ZBED6: variants seen among roughly 807,000 people sequenced by gnomAD.
ZBED6 encodes zinc finger BED-type containing 6.
Under a neutral mutation model 58.4 loss-of-function variants are expected in ZBED6, and 40 were observed. That is an observed-to-expected ratio of 0.68 (90% confidence interval 0.53 to 0.89). ZBED6 has a LOEUF of 0.89. Among genes scored for constraint, ZBED6 ranks in the 40% least tolerant of loss-of-function variants. The probability of loss-of-function intolerance (pLI) is 0.00; values close to 1 mark genes in which losing one functional copy is unlikely to be tolerated. For missense variants in ZBED6, 1,057 were observed against 1,003.9 expected (o/e 1.05, Z -0.71); for synonymous variants, 439 against 350.6 (o/e 1.25, Z -2.82).
At chr1:203,827,680 T>TC (rs1469703059) in intron 3 of ZBED6, among the ~76,000 whole-genome samples, 1 of 143,492 alleles carries the variant, frequency 7.0e-6, no homozygotes, top group Non-Finnish European at 1.5e-5. Flanking sequence ...AGACTCTGTC[T>TC]CAAAAAAAAA....
intron 11 of ZBED6, among the ~76,000 whole-genome samples, chr1:203,842,856 C>CTACATAATGTACATATATGTACATATATA: frequency 6.7e-6 from 1 of 149,944 alleles, no homozygotes; most frequent in South Asian, 2.1e-4. Flanking sequence ...TGAAATATAA[C>CTACATAATGTACATATATGTACATATATA]TACATAAGTA....
exon 1 of ZBED6, chr1:203,801,347 T>G (rs1438768179): frequency 2.0e-5 from 3 of 152,174 alleles, no homozygotes; most frequent in African/African-American, 7.2e-5. Flanking sequence ...GCGGTTGTTT[T>G]GGCCACTGAA....
At chr1:203,816,431 CTGAACAA>C (rs1676397677) in intron 1 of ZBED6, among the ~76,000 whole-genome samples, 1 of 152,072 alleles carries the variant, frequency 6.6e-6, no homozygotes, top group African/African-American at 2.4e-5. Context: ...CAAGACCAGA[CTGAACAA>C]CATAGCAAGA....
intron 3 of ZBED6, among the ~76,000 whole-genome samples, chr1:203,824,629 CCTT>C (rs1558118086): frequency 6.7e-6 from 1 of 148,560 alleles, no homozygotes; most frequent in African/African-American, 2.5e-5. Context: ...AGCTCTGCCT[CCTT>C]CTGATACTGT....
intron 3 of ZBED6, among the ~76,000 whole-genome samples, chr1:203,825,428 ATTTTTT>A (rs59157538): frequency 2.5e-5 from 2 of 81,622 alleles, no homozygotes; most frequent in African/African-American, 5.1e-5. Context: ...ACTGTGGAGG[ATTTTTT>A]TTTTTTTTTT....
chr1:203,809,172 G>GTTTTTTTTTTT (rs33926996), intron 1 of ZBED6, among the ~76,000 whole-genome samples: 1 of 83,248 alleles, frequency 1.2e-5, no homozygotes, highest in Non-Finnish European at 2.1e-5. Context: ...TCTTCTCACT[G>GTTTTTTTTTTT]TTTTTTTTTT....
rs758839560 is a variant in ZBED6, at chr1:203,833,821, C to T, written c.*3541C>T. ...GAACCCTTGGTTAGATTGAGTCTTA[C>T]TGAGAGACTGGGGAAACGAAAATTT... On this transcript the variant is annotated 3_prime_UTR_variant, in exon 9 of 17. Transcript: ENST00000550078. The T allele has an allele frequency of 8.7e-6, 14 of 1,610,216 alleles. No homozygotes were observed. The highest frequency in any genetic ancestry group is 1.1e-5 in the Non-Finnish European group (13 of 1,178,658).
intron 6 of ZBED6, 29 bp from the exon 7 acceptor site, chr1:203,830,094 C>G: frequency 6.5e-7 from 1 of 1,541,118 alleles, no homozygotes; most frequent in Non-Finnish European, 8.9e-7. Context: ...GGCTCCCGTT[C>G]CTCATAAAAT....
chr1:203,818,324 T>A lies in ZBED6; in HGVS notation c.*2754-246T>A, dbSNP rs1265619741. ...GACCTAACACTCCTACTTGTCTTTT[T>A]CAACTCTTTTTTTCAGCTTGTGTCA... On this transcript the variant is annotated intron_variant, in intron 2 of 16. Coordinates refer to ENST00000550078, the Ensembl canonical transcript of ZBED6. 3.7e-3 allele frequency among the ~76,000 whole-genome samples: 554 copies of A among 150,970 alleles called. 4 individuals carry two copies. Among genetic ancestry groups the A allele is most frequent in the Non-Finnish European group, 6.7e-3 (448 of 67,030 alleles).
Position 203,828,165 on chromosome 1 carries a change from C to T in ZBED6, c.*2874-134C>T, listed in dbSNP as rs1681175409. On this transcript the variant is annotated intron_variant, in intron 3 of 16. Coordinates refer to ENST00000550078, the Ensembl canonical transcript of ZBED6. ...TATGTTATTTTCAGCAATCTCTCTT[C>T]CTTCTAAAAATCATCTCATCTCACA... is the stretch of plus-strand genomic sequence containing the variant. 27 of 998,658 alleles carry T rather than the reference C, an allele frequency of 2.7e-5. No homozygotes were observed. In the South Asian group the frequency reaches 4.2e-4, roughly 16 times the overall value. 61.9% of individuals were successfully genotyped at this position (998,658 alleles called of 1,614,324 possible).
intron 1 of ZBED6, among the ~76,000 whole-genome samples, chr1:203,804,223 T>C (rs1671447924): frequency 6.6e-6 from 1 of 150,538 alleles, no homozygotes; most frequent in African/African-American, 2.4e-5. Context: ...GTGATCTCGA[T>C]TCACTGCAAA....
intron 1 of ZBED6, among the ~76,000 whole-genome samples, chr1:203,811,364 C>T (rs1026126486): frequency 1.4e-4 from 21 of 152,172 alleles, no homozygotes; most frequent in Non-Finnish European, 2.5e-4. Flanking sequence ...GTAAATTCTG[C>T]TGTGTCTTTG....
chr1:203,844,379 C>G (rs556232014), intron 11 of ZBED6, among the ~76,000 whole-genome samples: 1 of 151,652 alleles, frequency 6.6e-6, no homozygotes, highest in African/African-American at 2.4e-5. Context: ...AGGCTAGTCT[C>G]CAACTCCTGA....
In ZBED6 at chr1:203,798,940, A is replaced by G. The variant is rs1415866214; in HGVS notation, c.1418A>G (p.Glu473Gly). 6.5e-7 allele frequency: 1 copy of G among 1,536,180 alleles called. No individual in the cohort carries two copies. Among genetic ancestry groups the G allele is most frequent in the African/African-American group, 1.4e-5 (1 of 73,184 alleles). The change falls in exon 1 of 17, where the codon GAG (glutamate) becomes GGG (glycine). Residue 473 changes from glutamate (E) to glycine (G), a missense_variant. Coordinates refer to ENST00000550078, the Ensembl canonical transcript of ZBED6. ...AGAGAAAAAATTTTCTTAACTTTAG[A>G]GAATGTTCAAAGCCAAAAGATACAC...
intron 11 of ZBED6, 136 bp from the exon 12 acceptor site, chr1:203,847,048 A>T: frequency 1.1e-6 from 1 of 922,728 alleles, no homozygotes; most frequent in Non-Finnish European, 1.7e-6. Context: ...AATAAATGTT[A>T]CCCTTTTGAT....
At chr1:203,847,730 T>C (rs1233939964) in intron 12 of ZBED6, 43 bp downstream of exon 12, 1 of 1,586,480 alleles carries the variant, frequency 6.3e-7, no homozygotes, top group African/African-American at 1.4e-5. Flanking sequence ...CCCCACATAA[T>C]ATTCCAGAGG....
intron 3 of ZBED6, among the ~76,000 whole-genome samples, chr1:203,819,493 A>G (rs1010271435): frequency 2.8e-4 from 40 of 145,276 alleles, no homozygotes; most frequent in African/African-American, 9.4e-4. Flanking sequence ...AAGTGCTGGG[A>G]TTACATGCGT....
exon 1 of ZBED6, chr1:203,799,380 G>T: frequency 1.4e-6 from 1 of 703,318 alleles, no homozygotes; most frequent in Non-Finnish European, 2.6e-6. Flanking sequence ...TAGTCATTCG[G>T]TCAAGGCCCG....
intron 1 of ZBED6, among the ~76,000 whole-genome samples, chr1:203,815,378 GCTTTT>G (rs1676018985): frequency 2.1e-5 from 1 of 48,656 alleles, no homozygotes; most frequent in Non-Finnish European, 3.8e-5. Flanking sequence ...ACCACACCCA[GCTTTT>G]TTTTTTTTTT....
Sources: allele counts gnomAD v4.1 joint callset (sites outside exome capture counted in the v4.1 genomes callset), GRCh38; gene constraint gnomAD v4.1.1; transcripts MANE v1.5; gene names NCBI Gene and HGNC (gene_info 2026-07-23, HGNC 2026-07-21).